The following COMMD1 variants were observed in gnomAD, a reference collection of about 807,000 sequenced individuals.
COMMD1 encodes COMM domain-containing protein 1.
A neutral mutation model predicts 17.2 loss-of-function variants in COMMD1; 10 were observed. That is an observed-to-expected ratio of 0.58 (90% CI 0.36 to 0.99). The LOEUF (loss-of-function observed/expected upper bound fraction) is 0.99, where lower values mean the gene tolerates loss of function less well. Among genes scored for constraint, COMMD1 ranks in the 50% least tolerant of loss-of-function variants. The probability of loss-of-function intolerance (pLI) is 0.01; values close to 1 mark genes in which losing one functional copy is unlikely to be tolerated. For synonymous variants in COMMD1, 97 were observed against 91.6 expected (o/e 1.06, Z -0.34); for missense variants, 270 against 231.8 (o/e 1.17, Z -1.07).
At position 61,905,828 on chromosome 2, in the gene COMMD1, C is replaced by T; in HGVS notation, c.150C>T (p.Pro50=). Residue 50 remains proline (P), a synonymous_variant, in exon 1 of 3, where the codon CCC becomes CCT. Transcript: ENST00000311832. ...YPEVPPEEFR[P]FLAKMRGILK... Reference sequence around the variant, plus strand: ...AGGTGCCACCCGAGGAGTTCCGCCCCTTTCTGGCAAAGATGAGGGGGATTC... The same window carrying T: ...AGGTGCCACCCGAGGAGTTCCGCCCTTTTCTGGCAAAGATGAGGGGGATTC... 2.5e-6 allele frequency: 4 copies of T among 1,614,234 alleles called. No individual in the cohort carries two copies. The highest frequency in any genetic ancestry group is 2.5e-6 in the Non-Finnish European group (3 of 1,180,048).
chr2:61,982,772 A>G (rs1037992319), intron 1 of COMMD1, among the ~76,000 whole-genome samples: 1 of 152,162 alleles, frequency 6.6e-6, no homozygotes, highest in African/African-American at 2.4e-5. Flanking sequence ...TCTTTTCACC[A>G]TCAATTGAAA....
chr2:62,008,074 C>T (rs923788557), intron 2 of COMMD1, among the ~76,000 whole-genome samples: 3 of 152,150 alleles, frequency 2.0e-5, no homozygotes, highest in African/African-American at 7.2e-5. Context: ...CCAAGCTACT[C>T]GATAGAGTGA....
At chr2:61,919,230 T>G (rs1410162632) in intron 1 of COMMD1, among the ~76,000 whole-genome samples, 1 of 152,172 alleles carries the variant, frequency 6.6e-6, no homozygotes, top group East Asian at 1.9e-4. Flanking sequence ...CAGGCTGGTC[T>G]CGAACTCCCA....
intron 1 of COMMD1, among the ~76,000 whole-genome samples, chr2:61,995,866 A>G (rs1477850338): frequency 6.6e-6 from 1 of 152,226 alleles, no homozygotes; most frequent in Non-Finnish European, 1.5e-5. Context: ...AAGTGCAGTA[A>G]TACAGACATA....
chr2:61,925,885 A>T (rs1670316546), intron 1 of COMMD1, among the ~76,000 whole-genome samples: 2 of 152,200 alleles, frequency 1.3e-5, no homozygotes, highest in South Asian at 4.1e-4. Context: ...ATTTAGATCC[A>T]CTGACAATAT....
intron 1 of COMMD1, among the ~76,000 whole-genome samples, chr2:61,897,529 C>T (rs990050663): frequency 2.6e-5 from 4 of 152,164 alleles, no homozygotes; most frequent in Admixed American, 1.3e-4. Context: ...GGGTGGATCA[C>T]CTGAGTTCAG....
At chr2:62,018,092 G>A (rs961307304) in intron 2 of COMMD1, among the ~76,000 whole-genome samples, 1 of 152,004 alleles carries the variant, frequency 6.6e-6, no homozygotes, top group Non-Finnish European at 1.5e-5. Flanking sequence ...AAGATCATGG[G>A]TAGCAGGCCC....
At chr2:61,976,155 G>A (rs1418464449) in intron 1 of COMMD1, among the ~76,000 whole-genome samples, 1 of 149,870 alleles carries the variant, frequency 6.7e-6, no homozygotes, top group Non-Finnish European at 1.5e-5. Flanking sequence ...GCATACTAGG[G>A]TAGCTTTAAA....
intron 2 of COMMD1, among the ~76,000 whole-genome samples, chr2:62,104,860 T>G (rs939847844): frequency 6.6e-6 from 1 of 151,934 alleles, no homozygotes; most frequent in Admixed American, 6.6e-5. Context: ...GCGCAGTAGC[T>G]CATGCCTGTA....
chr2:62,111,177 G>A (rs1250480244), intron 2 of COMMD1, among the ~76,000 whole-genome samples: 1 of 152,128 alleles, frequency 6.6e-6, no homozygotes, highest in Non-Finnish European at 1.5e-5. Context: ...ATGCTAATGA[G>A]GCACATTTTG....
At chr2:61,941,142 C>G (rs1043557219) in intron 1 of COMMD1, among the ~76,000 whole-genome samples, 2 of 152,078 alleles carry the variant, frequency 1.3e-5, no homozygotes, top group African/African-American at 2.4e-5. Flanking sequence ...ATTCTCCTGC[C>G]TCAGCCTCTC....
At chr2:61,970,372 G>A (rs1671617252) in intron 1 of COMMD1, among the ~76,000 whole-genome samples, 1 of 152,032 alleles carries the variant, frequency 6.6e-6, no homozygotes, top group Non-Finnish European at 1.5e-5. Flanking sequence ...TGTCCATGGG[G>A]AATTAGTTCT....
intron 2 of COMMD1, among the ~76,000 whole-genome samples, chr2:62,103,886 G>A (rs1266661375): frequency 1.3e-5 from 2 of 151,706 alleles, no homozygotes; most frequent in South Asian, 2.1e-4. Context: ...TCTCACCCAC[G>A]CTGGAGTGCA....
intron 2 of COMMD1, among the ~76,000 whole-genome samples, chr2:62,034,746 C>T (rs1176996327): frequency 6.6e-6 from 1 of 151,890 alleles, no homozygotes; most frequent in Non-Finnish European, 1.5e-5. Flanking sequence ...TCTCAATGTA[C>T]AAAATACCTG....
At chr2:61,995,895 T>C (rs1668742212) in intron 1 of COMMD1, among the ~76,000 whole-genome samples, 1 of 152,158 alleles carries the variant, frequency 6.6e-6, no homozygotes, top group Non-Finnish European at 1.5e-5. Context: ...ATACCTTGGG[T>C]TTGGTTCCAG....
At chr2:62,130,194 C>T (rs1672992812) in intron 2 of COMMD1, among the ~76,000 whole-genome samples, 1 of 150,648 alleles carries the variant, frequency 6.6e-6, no homozygotes, top group African/African-American at 2.4e-5. Context: ...AACAAGAGTC[C>T]CTTTGTGTCA....
At chr2:61,970,874 T>G (rs1028706671) in intron 1 of COMMD1, among the ~76,000 whole-genome samples, 2 of 152,208 alleles carry the variant, frequency 1.3e-5, no homozygotes, top group Non-Finnish European at 2.9e-5. Flanking sequence ...ATTTATCTGT[T>G]ATATTTGGTC....
intron 2 of COMMD1, among the ~76,000 whole-genome samples, chr2:62,003,062 ATC>A (rs970374292): frequency 4.0e-5 from 6 of 150,618 alleles, no homozygotes; most frequent in Admixed American, 3.3e-4. Context: ...GGGAAACCCC[ATC>A]TCTACTAAAA....
At chr2:61,926,474 A>G (rs1475693280) in intron 1 of COMMD1, among the ~76,000 whole-genome samples, 1 of 152,204 alleles carries the variant, frequency 6.6e-6, no homozygotes, top group African/African-American at 2.4e-5. Context: ...AGAAAGAAAA[A>G]TAGAATCCTG....
Sources: gnomAD v4.1 joint callset for allele counts (sites outside exome capture counted in the v4.1 genomes callset) on GRCh38, gnomAD v4.1.1 for gene constraint, MANE v1.5 for transcripts, NCBI Gene and HGNC (gene_info 2026-07-23, HGNC 2026-07-21) for gene names.